CCDC92: variants seen among roughly 807,000 people sequenced by gnomAD.
CCDC92 encodes the protein coiled-coil domain-containing protein 92.
In CCDC92, 12 loss-of-function variants were observed where a neutral mutation model predicts 24.9. That is an observed-to-expected ratio of 0.48 (90% CI 0.31 to 0.78). The LOEUF is 0.78. Ranked by LOEUF, CCDC92 falls within the 30% of genes least tolerant of loss-of-function variation. The probability of loss-of-function intolerance (pLI) is 0.05; values close to 1 mark genes in which losing one functional copy is unlikely to be tolerated. For synonymous variants in CCDC92, 193 were observed against 196.3 expected, an observed-to-expected ratio of 0.98 and a Z score of 0.14; for missense variants, 399 against 439.4, an observed-to-expected ratio of 0.91 and a Z score of 0.82.
chr12:123,965,765 C>A (rs1463373231), intron 1 of CCDC92, among the ~76,000 whole-genome samples: 1 of 152,214 alleles, frequency 6.6e-6, no homozygotes, highest in East Asian at 1.9e-4. Context: ...TGTCCCATGG[C>A]CTGGTACACA....
intron 1 of CCDC92, among the ~76,000 whole-genome samples, chr12:123,947,145 C>A (rs1000694004): frequency 2.0e-5 from 3 of 152,212 alleles, no homozygotes; most frequent in Admixed American, 6.5e-5. Context: ...CTAGCAGTGC[C>A]AGCCCACCAG....
chr12:123,942,977 G>T (rs35825716), intron 3 of CCDC92, among the ~76,000 whole-genome samples, 192 bp from the exon 4 acceptor site: 1 of 151,952 alleles, frequency 6.6e-6, no homozygotes, highest in African/African-American at 2.4e-5. Flanking sequence ...TGGGGTCAGA[G>T]GGCACCCTCT....
chr12:123,956,742 C>T (rs938665342), intron 1 of CCDC92, among the ~76,000 whole-genome samples: 4 of 152,128 alleles, frequency 2.6e-5, no homozygotes, highest in Admixed American at 6.5e-5. Flanking sequence ...GTCTTTGCAA[C>T]CAAATTTTGA....
intron 2 of CCDC92, 142 bp from the exon 3 acceptor site, chr12:123,943,635 G>C (rs1955759040): frequency 8.3e-6 from 7 of 844,054 alleles, no homozygotes; most frequent in Non-Finnish European, 1.3e-5. Context: ...CAGGGTGTGG[G>C]GGCACCAGGG....
chr12:123,972,358 G>A (rs1176644640), intron 1 of CCDC92, among the ~76,000 whole-genome samples, 171 bp downstream of exon 1: 3 of 152,208 alleles, frequency 2.0e-5, no homozygotes, highest in East Asian at 1.9e-4. Flanking sequence ...AAGCCCCGGA[G>A]GTGGGGCAGG....
intron 4 of CCDC92, among the ~76,000 whole-genome samples, chr12:123,940,326 G>A (rs1048042512): frequency 5.9e-5 from 9 of 152,138 alleles, no homozygotes; most frequent in African/African-American, 2.2e-4. Context: ...GGTTCTTTTC[G>A]CCACAGCATC....
intron 4 of CCDC92, among the ~76,000 whole-genome samples, chr12:123,940,038 A>G (rs1204081363): frequency 6.6e-6 from 1 of 152,226 alleles, no homozygotes; most frequent in Non-Finnish European, 1.5e-5. Context: ...GCCTGCTGTG[A>G]GCATCCTGGG....
At chr12:123,946,503 G>C (rs1343771682) in intron 1 of CCDC92, 1 of 152,464 alleles carries the variant, frequency 6.6e-6, no homozygotes, top group Non-Finnish European at 1.5e-5. Flanking sequence ...CCCAGACTCG[G>C]GTGCATTACC....
chr12:123,939,689 T>G (rs1368060474), intron 4 of CCDC92, among the ~76,000 whole-genome samples: 1 of 152,182 alleles, frequency 6.6e-6, no homozygotes, highest in Non-Finnish European at 1.5e-5. Context: ...AAAGGATGCA[T>G]GCAGTACTAC....
intron 4 of CCDC92, among the ~76,000 whole-genome samples, 182 bp from the exon 5 acceptor site, chr12:123,938,012 G>C (rs1955576205): frequency 6.6e-6 from 1 of 152,182 alleles, no homozygotes; most frequent in Non-Finnish European, 1.5e-5. Flanking sequence ...GGAGATCGGG[G>C]CATCTCAGAG....
At chr12:123,954,978 G>A (rs1956116989) in intron 1 of CCDC92, among the ~76,000 whole-genome samples, 1 of 152,222 alleles carries the variant, frequency 6.6e-6, no homozygotes, top group South Asian at 2.1e-4. Flanking sequence ...GTTGCTTCTG[G>A]GGGAGGAGGT....
chr12:123,943,846 G>A (rs1566151947), intron 2 of CCDC92: 6 of 454,098 alleles, frequency 1.3e-5, no homozygotes, highest in Non-Finnish European at 2.4e-5. Flanking sequence ...GGGTCACACA[G>A]CCAGTGAGGT....
In CCDC92 at chr12:123,937,902, A is replaced by G; in HGVS notation, c.224-72T>C. The G allele has an allele frequency of 1.4e-6, 2 of 1,471,060 alleles. No homozygotes were observed. The highest frequency in any genetic ancestry group is 2.6e-5 in the South Asian group (2 of 76,304). The allele number at this position is 1,471,060 out of a possible 1,614,324, so 91.1% of individuals were successfully genotyped here. ...GGCCGAGTGGTGAGGCCTATGGGGC[A>G]GGCGGACCTGTCTGGTGGGGGCCCT... On this transcript the variant is annotated intron_variant, in intron 4 of 4. Transcript: ENST00000238156. This position sits in a 1 kb window ranked among gnomAD's most constrained non-coding sequence, Gnocchi z 8.4.
chr12:123,971,250 A>G (rs752459148), intron 1 of CCDC92, among the ~76,000 whole-genome samples: 21 of 152,202 alleles, frequency 1.4e-4, no homozygotes, highest in Non-Finnish European at 2.8e-4. Context: ...CCGTATATAT[A>G]ATCACGAGTT....
chr12:123,940,706 CGCT>C (rs1955658028), intron 4 of CCDC92, among the ~76,000 whole-genome samples: 1 of 152,218 alleles, frequency 6.6e-6, no homozygotes, highest in Non-Finnish European at 1.5e-5. Context: ...GGTCTCCAAA[CGCT>C]GCACTGCTGA....
Position 123,936,973 on chromosome 12 carries a change from A to C in CCDC92, c.*85T>G, listed in dbSNP as rs1489957185. ...TAGGTGTGAAAAGTGTTTGGCATGCATGGGATTAAACAGAAAAGGTGTGGC... is the reference window on the plus strand; with the variant it reads ...TAGGTGTGAAAAGTGTTTGGCATGCCTGGGATTAAACAGAAAAGGTGTGGC... On this transcript the variant is annotated 3_prime_UTR_variant, in exon 5 of 5. Coordinates refer to ENST00000238156, the MANE Select transcript of CCDC92 (RefSeq NM_025140.3). The C allele has an allele frequency of 3.9e-5, 58 of 1,482,378 alleles. No homozygotes were observed. Among genetic ancestry groups the C allele is most frequent in the Non-Finnish European group, 5.3e-5 (57 of 1,081,346 alleles). 91.8% of individuals were successfully genotyped at this position (1,482,378 alleles called of 1,614,324 possible). A position where few individuals can be genotyped will look rare whatever the true frequency, so the allele number is the denominator to read the frequency against.
chr12:123,969,377 C>G (rs778719915), intron 1 of CCDC92, among the ~76,000 whole-genome samples: 2 of 150,538 alleles, frequency 1.3e-5, no homozygotes, highest in Non-Finnish European at 2.9e-5. Context: ...TGCTGTGAAA[C>G]TTGAGTCATG....
At chr12:123,950,268 T>C (rs1955991166) in intron 1 of CCDC92, among the ~76,000 whole-genome samples, 1 of 152,154 alleles carries the variant, frequency 6.6e-6, no homozygotes, top group East Asian at 1.9e-4. Context: ...CACAGCCCAC[T>C]GAAGTAGCCT....
chr12:123,950,450 C>T (rs1955996893), intron 1 of CCDC92, among the ~76,000 whole-genome samples: 1 of 152,358 alleles, frequency 6.6e-6, no homozygotes, highest in Non-Finnish European at 1.5e-5. Context: ...AAAAGACTCA[C>T]TAATGACTCT....
Sources: allele counts gnomAD v4.1 joint callset (sites outside exome capture counted in the v4.1 genomes callset), GRCh38; gene constraint gnomAD v4.1.1; non-coding constraint Gnocchi (gnomAD v3.1); transcripts MANE v1.5; gene names NCBI Gene and HGNC (gene_info 2026-07-23, HGNC 2026-07-21).